Variants in CCBE1 observed in about 807,000 individuals in gnomAD.
The protein encoded by CCBE1 is collagen and calcium-binding EGF domain-containing protein 1.
Under a neutral mutation model 50.0 loss-of-function variants are expected in CCBE1, and 37 were observed. That is an observed-to-expected ratio of 0.74 (90% CI 0.57 to 0.97). The LOEUF is 0.97. Ranked by LOEUF, CCBE1 falls within the 50% of genes least tolerant of loss-of-function variation. The pLI, the probability that CCBE1 is intolerant of heterozygous loss-of-function variation, is 0.00. For synonymous variants in CCBE1, 234 were observed against 203.7 expected (o/e 1.15, Z -1.27); for missense variants, 538 against 523.8 (o/e 1.03, Z -0.26).
intron 2 of CCBE1, among the ~76,000 whole-genome samples, chr18:59,522,341 G>T (rs1452834063): frequency 6.6e-6 from 1 of 151,984 alleles, no homozygotes; most frequent in East Asian, 1.9e-4. Flanking sequence ...ATAAAGAAGA[G>T]GTAAGTTTCT....
At chr18:59,505,675 A>G (rs1348951484) in intron 2 of CCBE1, among the ~76,000 whole-genome samples, 1 of 152,248 alleles carries the variant, frequency 6.6e-6, no homozygotes, top group Non-Finnish European at 1.5e-5. Flanking sequence ...CAAAATAGTC[A>G]TTTAGTATAA....
chr18:59,688,052 T>C (rs1347204658), intron 2 of CCBE1: 2 of 152,238 alleles, frequency 1.3e-5, no homozygotes, highest in Non-Finnish European at 2.9e-5. Flanking sequence ...TGGAAAAATA[T>C]AAAGTTATAA....
intron 2 of CCBE1, among the ~76,000 whole-genome samples, chr18:59,577,687 G>T (rs1040107113): frequency 9.9e-5 from 15 of 152,200 alleles, no homozygotes; most frequent in African/African-American, 3.1e-4. Context: ...AACAAACGAG[G>T]TAGTTGTAGT....
At chr18:59,651,384 C>CCA (rs1244866004) in intron 2 of CCBE1, among the ~76,000 whole-genome samples, 1 of 152,210 alleles carries the variant, frequency 6.6e-6, no homozygotes, top group Non-Finnish European at 1.5e-5. Flanking sequence ...TGGAAAACTA[C>CCA]CACCACCTTT....
intron 7 of CCBE1, among the ~76,000 whole-genome samples, chr18:59,447,338 G>A (rs1910723081): frequency 6.6e-6 from 1 of 152,164 alleles, no homozygotes; most frequent in African/African-American, 2.4e-5. Flanking sequence ...GTGGACATGT[G>A]CACATGGACA....
chr18:59,480,277 C>T (rs759652323), intron 2 of CCBE1, 39 bp from the exon 3 acceptor site: 2 of 1,414,352 alleles, frequency 1.4e-6, no homozygotes, highest in Admixed American at 3.4e-5. Flanking sequence ...AATAATTAGG[C>T]TAAAAATAAA....
At position 59,604,416 on chromosome 18, in the gene CCBE1, T is replaced by C. The variant is rs115404518; in HGVS notation, c.212+92213A>G. On this transcript the variant is annotated intron_variant, in intron 2 of 10. Coordinates refer to ENST00000439986, the MANE Select transcript of CCBE1 (RefSeq NM_133459.4). ...ACAGGGCTAGGGGTAGGAGGACACA[T>C]AGAACAGAGATACCTATCCAGGAAA... is the stretch of plus-strand genomic sequence containing the variant. 5.0e-3 allele frequency among the ~76,000 whole-genome samples: 765 copies of C among 152,242 alleles called. 9 individuals are homozygous for C. Among genetic ancestry groups the C allele is most frequent in the African/African-American group, 0.017 (717 of 41,538 alleles).
chr18:59,684,884 G>C (rs1009899735), intron 2 of CCBE1, among the ~76,000 whole-genome samples: 10 of 152,144 alleles, frequency 6.6e-5, no homozygotes, highest in Non-Finnish European at 1.3e-4. Flanking sequence ...TTGTTTTCTG[G>C]GGTGGAGGGT....
At chr18:59,567,813 T>C (rs886485361) in intron 2 of CCBE1, among the ~76,000 whole-genome samples, 3 of 152,254 alleles carry the variant, frequency 2.0e-5, no homozygotes, top group Non-Finnish European at 4.4e-5. Flanking sequence ...TTAAAAGTCA[T>C]TGCCAACAGT....
intron 2 of CCBE1, among the ~76,000 whole-genome samples, chr18:59,584,665 C>A (rs577656688): frequency 1.3e-5 from 2 of 152,176 alleles, no homozygotes; most frequent in African/African-American, 4.8e-5. Context: ...AGCACCTCCC[C>A]GTTGTCCCTC....
intron 2 of CCBE1, among the ~76,000 whole-genome samples, chr18:59,511,003 C>T (rs1018622961): frequency 1.3e-5 from 2 of 152,196 alleles, no homozygotes; most frequent in African/African-American, 4.8e-5. Context: ...ATTCAGCTGG[C>T]TCTGGAAGGA....
At chr18:59,559,097 T>C (rs981135233) in intron 2 of CCBE1, among the ~76,000 whole-genome samples, 17 of 152,172 alleles carry the variant, frequency 1.1e-4, no homozygotes, top group African/African-American at 3.9e-4. Flanking sequence ...GGCTGCAGCA[T>C]GGGCTATGGT....
In CCBE1 at chr18:59,432,761, A is replaced by G. The variant is rs1473839692; in HGVS notation, c.*3147T>C. On this transcript the variant is annotated 3_prime_UTR_variant, in exon 11 of 11. Coordinates refer to ENST00000439986, the MANE Select transcript of CCBE1 (RefSeq NM_133459.4). ...TGAAACCCAGACAATACTACTTTCC[A>G]TTAATTCTTTTAATATATTATTCTA... is the stretch of plus-strand genomic sequence containing the variant. 2 of 152,204 alleles carry G rather than the reference A, an allele frequency of 1.3e-5. No individual in the cohort carries two copies. The highest frequency in any genetic ancestry group is 1.5e-5 in the Non-Finnish European group (1 of 68,038). The allele number at this position is 152,204 out of a possible 1,614,324, so 9.4% of individuals were successfully genotyped here. A position where few individuals can be genotyped will look rare whatever the true frequency, so the allele number is the denominator to read the frequency against.
intron 2 of CCBE1, among the ~76,000 whole-genome samples, chr18:59,660,327 A>G (rs2054265668): frequency 6.6e-6 from 1 of 152,194 alleles, no homozygotes; most frequent in South Asian, 2.1e-4. Context: ...TAAGATTTAA[A>G]TGCCCTTTAA....
At chr18:59,487,657 C>T (rs1912887025) in intron 2 of CCBE1, among the ~76,000 whole-genome samples, 1 of 152,140 alleles carries the variant, frequency 6.6e-6, no homozygotes, top group Admixed American at 6.5e-5. Flanking sequence ...ATTTGTTCAT[C>T]TACATGTAAG....
At chr18:59,614,725 C>T (rs578259186) in intron 2 of CCBE1, among the ~76,000 whole-genome samples, 2 of 152,248 alleles carry the variant, frequency 1.3e-5, no homozygotes, top group Non-Finnish European at 2.9e-5. Flanking sequence ...TGGTTCTGAA[C>T]CCATCTCCAA....
chr18:59,590,625 C>T (rs571454210), intron 2 of CCBE1, among the ~76,000 whole-genome samples: 9 of 152,018 alleles, frequency 5.9e-5, no homozygotes, highest in Admixed American at 3.9e-4. Flanking sequence ...AACATACAAC[C>T]GCATCTTAAG....
At chr18:59,547,399 A>G (rs1915748730) in intron 2 of CCBE1, among the ~76,000 whole-genome samples, 1 of 152,200 alleles carries the variant, frequency 6.6e-6, no homozygotes, top group Non-Finnish European at 1.5e-5. Context: ...GGGATAAGAC[A>G]AAGAGCCCTG....
At chr18:59,471,279 T>A (rs1367840117) in intron 3 of CCBE1, among the ~76,000 whole-genome samples, 1 of 152,228 alleles carries the variant, frequency 6.6e-6, no homozygotes, top group Non-Finnish European at 1.5e-5. Flanking sequence ...CTATACTCAC[T>A]TCTGCATCTC....
Sources: allele counts gnomAD v4.1 joint callset (sites outside exome capture counted in the v4.1 genomes callset), GRCh38; gene constraint gnomAD v4.1.1; transcripts MANE v1.5; gene names NCBI Gene and HGNC (gene_info 2026-07-23, HGNC 2026-07-21).